The following CCDC141 variants were observed in gnomAD, a reference collection of about 807,000 sequenced individuals.
The protein encoded by CCDC141 is coiled-coil domain containing 141.
Under a neutral mutation model 181.0 loss-of-function variants are expected in CCDC141, and 168 were observed. The ratio of observed to expected loss-of-function variants is 0.93; its 90% CI spans 0.82 to 1.05. CCDC141 has a LOEUF of 1.05. Among genes scored for constraint, CCDC141 ranks in the 50% least tolerant of loss-of-function variants. CCDC141 has a pLI of 0.00. For synonymous variants in CCDC141, 666 were observed against 642.3 expected, an observed-to-expected ratio of 1.04 and a Z score of -0.56; for missense variants, 1,902 against 1,788.5, an observed-to-expected ratio of 1.06 and a Z score of -1.14.
chr2:178,993,071 A>G (rs2134740), intron 2 of CCDC141, among the ~76,000 whole-genome samples: 130,553 of 152,110 alleles, frequency 0.86, 56,875 homozygotes, highest in Non-Finnish European at 0.93. Context: ...GCATGAGAAC[A>G]GACTAATAAA....
chr2:178,820,201 G>A, the CCDC141 span, among the ~76,000 whole-genome samples: 5 of 152,130 alleles, frequency 3.3e-5, no homozygotes, highest in Non-Finnish European at 5.9e-5. Flanking sequence ...CTGTGGTTCT[G>A]AAAGCTCAAG....
intron 6 of CCDC141, among the ~76,000 whole-genome samples, chr2:178,929,269 T>A (rs1478742138): frequency 2.0e-5 from 3 of 152,204 alleles, no homozygotes; most frequent in Admixed American, 2.0e-4. Flanking sequence ...ATTTTACAAT[T>A]TTTTCACATA....
intron 11 of CCDC141, among the ~76,000 whole-genome samples, chr2:178,881,890 GTC>G (rs575583072): frequency 0.11 from 10,482 of 94,372 alleles, 895 homozygotes; most frequent in Non-Finnish European, 0.15. Context: ...GTGAGACCCT[GTC>G]TCTCTCTCTC....
chr2:178,911,865 T>C (rs114560537), intron 7 of CCDC141, among the ~76,000 whole-genome samples: 454 of 152,344 alleles, frequency 3.0e-3, no homozygotes, highest in African/African-American at 0.01. Flanking sequence ...TATGTGTAGA[T>C]GACAAGCCCT....
intron 2 of CCDC141, among the ~76,000 whole-genome samples, chr2:179,011,787 A>G (rs62175987): frequency 0.086 from 13,109 of 152,206 alleles, 744 homozygotes; most frequent in Admixed American, 0.17. Flanking sequence ...CCCAGACAAC[A>G]GTGGAATAGA....
At chr2:178,821,570 T>C in the CCDC141 span, among the ~76,000 whole-genome samples, 4 of 152,186 alleles carry the variant, frequency 2.6e-5, no homozygotes, top group Non-Finnish European at 4.4e-5. Context: ...GCAAGGAACA[T>C]GAGGGTCAAA....
intron 22 of CCDC141, among the ~76,000 whole-genome samples, chr2:178,841,649 C>T (rs1245734929): frequency 6.6e-6 from 1 of 152,072 alleles, no homozygotes; most frequent in African/African-American, 2.4e-5. Flanking sequence ...ATTTTATTCT[C>T]ATTTTTATTT....
At chr2:178,920,183 T>C (rs1278833064) in intron 6 of CCDC141, among the ~76,000 whole-genome samples, 1 of 152,202 alleles carries the variant, frequency 6.6e-6, no homozygotes, top group Non-Finnish European at 1.5e-5. Context: ...CATAGGCTAC[T>C]TGTGAAGCGT....
At chr2:178,891,977 A>G (rs542292737) in intron 8 of CCDC141, among the ~76,000 whole-genome samples, 1 of 152,146 alleles carries the variant, frequency 6.6e-6, no homozygotes, top group African/African-American at 2.4e-5. Flanking sequence ...CCATTTTCAA[A>G]TCAAATAAAA....
intron 7 of CCDC141, among the ~76,000 whole-genome samples, chr2:178,916,842 C>T (rs1029441033): frequency 1.4e-4 from 22 of 151,932 alleles, no homozygotes; most frequent in Admixed American, 1.1e-3. Flanking sequence ...ATCTAGAAAT[C>T]GAAAGTCTTT....
intron 7 of CCDC141, among the ~76,000 whole-genome samples, chr2:178,915,028 C>CA (rs1276674354): frequency 2.0e-5 from 3 of 151,762 alleles, no homozygotes; most frequent in African/African-American, 7.3e-5. Context: ...ACAAAAAATA[C>CA]AAAAAATTAG....
chr2:178,937,657 C>T (rs1689344716), intron 6 of CCDC141, among the ~76,000 whole-genome samples: 1 of 152,012 alleles, frequency 6.6e-6, no homozygotes, highest in African/African-American at 2.4e-5. Context: ...GGTTCCAGCT[C>T]TTCTTTGTAC....
intron 8 of CCDC141, among the ~76,000 whole-genome samples, chr2:178,899,175 T>C (rs1687560303): frequency 6.6e-6 from 1 of 152,198 alleles, no homozygotes; most frequent in Non-Finnish European, 1.5e-5. Flanking sequence ...TAATATTCAA[T>C]ACAGTAACAT....
intron 4 of CCDC141, among the ~76,000 whole-genome samples, chr2:178,963,268 G>A (rs1690484619): frequency 6.6e-6 from 1 of 152,192 alleles, no homozygotes. Flanking sequence ...ACCAGGTTGA[G>A]GAGTGAGAAG....
chr2:178,872,850 T>G (rs1362356692), intron 12 of CCDC141, among the ~76,000 whole-genome samples: 9 of 152,220 alleles, frequency 5.9e-5, no homozygotes, highest in Non-Finnish European at 1.3e-4. Context: ...GAAATGAGTC[T>G]GTATCTCTGT....
rs781039401 is a variant in CCDC141 at position 178,834,033 on chromosome 2, G to C, written c.*140C>G. The C allele has an allele frequency of 1.2e-6, 1 of 804,692 alleles. No individual in the cohort carries two copies. The highest frequency in any genetic ancestry group is 1.9e-5 in the South Asian group (1 of 53,028). 49.8% of individuals were successfully genotyped at this position (804,692 alleles called of 1,614,324 possible). ...GAAAATTTGATTATTTCACCTAGCA[G>C]TGGTATTAGCCAAACAAGTATGGTG... On this transcript the variant is annotated 3_prime_UTR_variant, in exon 24 of 24. Transcript: ENST00000443758.
At chr2:178,854,888 T>G (rs920823258) in intron 19 of CCDC141, among the ~76,000 whole-genome samples, 4 of 152,228 alleles carry the variant, frequency 2.6e-5, no homozygotes, top group Non-Finnish European at 5.9e-5. Flanking sequence ...CTACCATTTA[T>G]CTTCTTGACA....
intron 11 of CCDC141, among the ~76,000 whole-genome samples, chr2:178,882,997 G>A (rs557647573): frequency 1.3e-5 from 2 of 152,284 alleles, no homozygotes; most frequent in Admixed American, 1.3e-4. Flanking sequence ...ACTCTGCCAG[G>A]TAGGAAAACA....
At chr2:178,891,207 A>G (rs1575176803) in intron 8 of CCDC141, among the ~76,000 whole-genome samples, 1 of 152,164 alleles carries the variant, frequency 6.6e-6, no homozygotes, top group Non-Finnish European at 1.5e-5. Flanking sequence ...CATAACGACA[A>G]CTAATAAAAA....
Sources: allele counts gnomAD v4.1 joint callset (sites outside exome capture counted in the v4.1 genomes callset), GRCh38; gene constraint gnomAD v4.1.1; transcripts MANE v1.5; gene names NCBI Gene and HGNC (gene_info 2026-07-23, HGNC 2026-07-21).